Variants in VPS13B observed in about 807,000 individuals in gnomAD.
The protein encoded by VPS13B is vacuolar protein sorting 13 homolog B.
In VPS13B, 285 loss-of-function variants were observed where a neutral mutation model predicts 426.4. The observed-to-expected ratio is 0.67, with a 90% CI of 0.61 to 0.74. VPS13B has a LOEUF of 0.74. Ranked by LOEUF, VPS13B falls within the 30% of genes least tolerant of loss-of-function variation. VPS13B has a pLI of 0.00. For missense variants in VPS13B, 4,537 were observed against 4,782.6 expected (o/e 0.95, Z 1.51); for synonymous variants, 1,676 against 1,676.4 (o/e 1.00, Z 0.01).
At chr8:99,040,033 A>T (rs1170258283) in intron 3 of VPS13B, among the ~76,000 whole-genome samples, 1 of 151,556 alleles carries the variant, frequency 6.6e-6, no homozygotes, top group South Asian at 2.1e-4. Context: ...CTTGGAATTT[A>T]TTTTTTTTCA....
chr8:99,259,637 G>T (rs1817939165), intron 17 of VPS13B, among the ~76,000 whole-genome samples: 4 of 152,036 alleles, frequency 2.6e-5, no homozygotes, highest in Admixed American at 2.6e-4. Context: ...CTTTCCTGGA[G>T]AATTTGTAAC....
intron 33 of VPS13B, among the ~76,000 whole-genome samples, chr8:99,620,278 C>T (rs1427403829): frequency 6.6e-6 from 1 of 152,122 alleles, no homozygotes; most frequent in Non-Finnish European, 1.5e-5. Context: ...TAAGTTTAAC[C>T]CAGTTCAGGT....
intron 15 of VPS13B, among the ~76,000 whole-genome samples, chr8:99,162,350 TAAAC>T (rs1294135131): frequency 2.6e-5 from 4 of 152,234 alleles, no homozygotes; most frequent in African/African-American, 9.6e-5. Flanking sequence ...ATTAAGTACT[TAAAC>T]AAATCCTTGA....
chr8:99,130,078 A>T (rs6468670), intron 8 of VPS13B, among the ~76,000 whole-genome samples: 111,800 of 152,142 alleles, frequency 0.73, 41,822 homozygotes, highest in South Asian at 0.87. Flanking sequence ...TAAAATTTTT[A>T]TAGACTTCTT....
Position 99,853,740 on chromosome 8 carries a change from G to A in VPS13B, c.10351G>A (p.Ala3451Thr), listed in dbSNP as rs1343470928. Residue 3451 changes from alanine to threonine, a missense_variant, in exon 56 of 62, where the codon GCA becomes ACA. Around this residue, in one of 2 missense-constraint regions of VPS13B, gnomAD observed 4,311 missense variants for 4,474.3 expected, o/e 0.96. Coordinates refer to ENST00000357162, the MANE Select transcript of VPS13B (RefSeq NM_152564.5). ...FAVLVCQGEK[A>T]EPIQCSKMQS... The stretch of plus-strand genomic sequence containing the variant: ...TGTCTTAGTCTGCCAGGGAGAAAAA[G>A]CAGAACCCATTCAGTGTTCCAAAAT... The A allele has an allele frequency of 1.2e-6, 2 of 1,614,186 alleles. No homozygotes were observed. Among genetic ancestry groups the A allele is most frequent in the Middle Eastern group, 1.6e-4 (1 of 6,062 alleles).
intron 8 of VPS13B, among the ~76,000 whole-genome samples, chr8:99,128,386 CAAAAAAAAAAAAAAAAAAAAAAAAAAAAA>C (rs71273165): frequency 2.9e-5 from 1 of 34,188 alleles, no homozygotes; most frequent in Admixed American, 6.0e-4. Context: ...GATACTGTCC[CAAAAAAAAAAAAAAAAAAAAAAAAAAAAA>C]AAAAAAAAAA....
chr8:99,112,796 T>C (rs1847434749), intron 6 of VPS13B, among the ~76,000 whole-genome samples: 1 of 152,126 alleles, frequency 6.6e-6, no homozygotes, highest in Non-Finnish European at 1.5e-5. Flanking sequence ...TAGGATGTGG[T>C]TATATTAGAG....
chr8:99,471,805 G>A (rs1010712549), intron 24 of VPS13B, among the ~76,000 whole-genome samples: 4 of 152,028 alleles, frequency 2.6e-5, no homozygotes, highest in South Asian at 2.1e-4. Context: ...ATTGAATAAC[G>A]GAACAGTATG....
intron 43 of VPS13B, among the ~76,000 whole-genome samples, chr8:99,786,398 A>T (rs571898811): frequency 6.6e-6 from 1 of 152,250 alleles, no homozygotes; most frequent in East Asian, 1.9e-4. Flanking sequence ...TTTAATTCTC[A>T]ATACAGTGTC....
At chr8:99,130,921 TACTC>T (rs1809755190) in intron 8 of VPS13B, among the ~76,000 whole-genome samples, 1 of 152,188 alleles carries the variant, frequency 6.6e-6, no homozygotes, top group African/African-American at 2.4e-5. Context: ...AATTAGTTGA[TACTC>T]AATATAGAGA....
chr8:99,362,136 T>A (rs1215153145), intron 19 of VPS13B, among the ~76,000 whole-genome samples: 1 of 149,978 alleles, frequency 6.7e-6, no homozygotes, highest in Non-Finnish European at 1.5e-5. Context: ...TATTTTAATT[T>A]GTCTTTTTTT....
chr8:99,307,773 T>G (rs538848729), intron 19 of VPS13B, among the ~76,000 whole-genome samples: 20 of 152,274 alleles, frequency 1.3e-4, no homozygotes, highest in African/African-American at 4.8e-4. Flanking sequence ...GCTCTGACTT[T>G]TATTATTTCA....
chr8:99,742,708 G>T (rs965671915), intron 39 of VPS13B, among the ~76,000 whole-genome samples: 2 of 152,130 alleles, frequency 1.3e-5, no homozygotes, highest in African/African-American at 4.8e-5. Flanking sequence ...CATATAAACA[G>T]TACCAATGAC....
intron 17 of VPS13B, chr8:99,233,257 G>A: frequency 8.3e-7 from 1 of 1,206,460 alleles, no homozygotes; most frequent in Non-Finnish European, 1.2e-6. Context: ...TTCATTCACA[G>A]TCTTGCCACC....
At chr8:99,138,006 C>T (rs1810168655) in intron 12 of VPS13B, among the ~76,000 whole-genome samples, 1 of 152,134 alleles carries the variant, frequency 6.6e-6, no homozygotes, top group Non-Finnish European at 1.5e-5. Flanking sequence ...AGCCAGAAGC[C>T]TGGGAGTCAT....
Position 99,465,440 on chromosome 8 carries a change from T to C in VPS13B, c.3446-1974T>C, listed in dbSNP as rs147323784. 1.7e-3 allele frequency among the ~76,000 whole-genome samples: 260 copies of C among 151,718 alleles called. 1 individual carries two copies. Among genetic ancestry groups the C allele is most frequent in the African/African-American group, 6.1e-3 (254 of 41,416 alleles). ...TTTTTTTAGGAGTTAGGGTATGATA[T>C]GCTCAATTTCAATTTCCTAATCTGA... On this transcript the variant is annotated intron_variant, in intron 23 of 61. Coordinates refer to ENST00000357162, the MANE Select transcript of VPS13B (RefSeq NM_152564.5).
At chr8:99,067,777 C>A (rs1370622772) in intron 3 of VPS13B, among the ~76,000 whole-genome samples, 1 of 152,160 alleles carries the variant, frequency 6.6e-6, no homozygotes, top group Non-Finnish European at 1.5e-5. Context: ...TCTTTAAAAT[C>A]TCAGTTGGCA....
At chr8:99,872,958 T>A (rs1405639842) in intron 61 of VPS13B, among the ~76,000 whole-genome samples, 1 of 152,214 alleles carries the variant, frequency 6.6e-6, no homozygotes. Context: ...CAGGACTACA[T>A]TGCTGCTTCA....
At chr8:99,524,998 T>G (rs1822571100) in intron 30 of VPS13B, among the ~76,000 whole-genome samples, 1 of 152,144 alleles carries the variant, frequency 6.6e-6, no homozygotes, top group Non-Finnish European at 1.5e-5. Context: ...AGCTAAAGGA[T>G]TTCATCAACA....
Sources: gnomAD v4.1 joint callset for allele counts (sites outside exome capture counted in the v4.1 genomes callset) on GRCh38, gnomAD v4.1.1 for gene constraint, gnomAD v4.1.1 regional missense constraint, MANE v1.5 for transcripts, NCBI Gene and HGNC (gene_info 2026-07-23, HGNC 2026-07-21) for gene names.